The following SIK3 variants were observed in gnomAD, a reference collection of about 807,000 sequenced individuals.
The protein encoded by SIK3 is SIK family kinase 3, also known as serine/threonine-protein kinase SIK3.
Under a neutral mutation model 144.2 loss-of-function variants are expected in SIK3, and 28 were observed. The observed-to-expected ratio is 0.19, with a 90% CI of 0.14 to 0.27. The LOEUF (loss-of-function observed/expected upper bound fraction) is 0.27. Among genes scored for constraint, SIK3 ranks in the 10% least tolerant of loss-of-function variants. The probability of loss-of-function intolerance (pLI) is 1.00; values close to 1 mark genes in which losing one functional copy is unlikely to be tolerated. For missense variants in SIK3, 1,319 were observed against 1,776.0 expected, an observed-to-expected ratio of 0.74 and a Z score of 4.62; for synonymous variants, 686 against 676.3, an observed-to-expected ratio of 1.01 and a Z score of -0.22.
At chr11:117,023,617 A>ATATATATATAT (rs1194910685) in intron 1 of SIK3, among the ~76,000 whole-genome samples, 38 of 109,146 alleles carry the variant, frequency 3.5e-4, no homozygotes, top group African/African-American at 1.6e-3. Context: ...AACAAAAAAA[A>ATATATATATAT]AAAAATATAT....
intron 1 of SIK3, among the ~76,000 whole-genome samples, chr11:116,997,900 C>A (rs1270121339): frequency 6.6e-6 from 1 of 152,176 alleles, no homozygotes; most frequent in East Asian, 1.9e-4. Flanking sequence ...CACTTTGTCA[C>A]CCAGACTGCA....
At chr11:116,857,132 G>A (rs1179419238) in intron 21 of SIK3, 1 of 152,074 alleles carries the variant, frequency 6.6e-6, no homozygotes, top group East Asian at 1.9e-4. Context: ...ATGATAATGG[G>A]GGCCCTTATG....
chr11:116,883,383 C>T (rs1296333592), intron 6 of SIK3, among the ~76,000 whole-genome samples: 1 of 152,180 alleles, frequency 6.6e-6, no homozygotes, highest in South Asian at 2.1e-4. Context: ...TCTTGCAGTG[C>T]TATGATCCCT....
intron 1 of SIK3, among the ~76,000 whole-genome samples, chr11:117,071,501 C>T (rs1187214438): frequency 6.6e-6 from 1 of 151,870 alleles, no homozygotes; most frequent in Non-Finnish European, 1.5e-5. Context: ...CAACGAATCC[C>T]AATGTCTGGC....
In SIK3 at chr11:116,844,367, T is replaced by C. The variant is rs1405359082; in HGVS notation, c.*1276A>G. On this transcript the variant is annotated 3_prime_UTR_variant, in exon 25 of 25. Coordinates refer to ENST00000445177, the MANE Select transcript of SIK3 (RefSeq NM_001366686.3). ...AAATAGAACAGAATCTGGTTAAACA[T>C]TTCTCATTTAAACAAAAATTCCTTT... 2.0e-5 allele frequency: 3 copies of C among 151,812 alleles called. No homozygotes were observed. Among genetic ancestry groups the C allele is most frequent in the Non-Finnish European group, 4.4e-5 (3 of 68,004 alleles). The allele number at this position is 151,812 out of a possible 1,614,324, so 9.4% of individuals were successfully genotyped here. A position where few individuals can be genotyped will look rare whatever the true frequency, so the allele number is the denominator to read the frequency against.
chr11:117,054,497 A>C (rs1455785335), intron 1 of SIK3, among the ~76,000 whole-genome samples: 1 of 152,194 alleles, frequency 6.6e-6, no homozygotes, highest in Non-Finnish European at 1.5e-5. Context: ...GAGCAGATCT[A>C]CCTACTATAA....
At position 116,896,391 on chromosome 11, in the gene SIK3, G is replaced by A. The variant is rs1945400955; in HGVS notation, c.742-15C>T. The A allele has an allele frequency of 6.2e-7, 1 of 1,612,208 alleles. No individual in the cohort carries two copies. Among genetic ancestry groups the A allele is most frequent in the Non-Finnish European group, 8.5e-7 (1 of 1,178,608 alleles). On this transcript the variant is annotated splice_polypyrimidine_tract_variant and intron_variant, in intron 5 of 24. Coordinates refer to ENST00000445177, the MANE Select transcript of SIK3 (RefSeq NM_001366686.3). Reference sequence around the variant, plus strand: ...ACTCCAAGGCTCTGCATCCCAAACAGAGAGGATGTACAATTAATCACATCA... The same window carrying A: ...ACTCCAAGGCTCTGCATCCCAAACAAAGAGGATGTACAATTAATCACATCA...
chr11:116,895,609 C>T (rs1945357247), intron 6 of SIK3, among the ~76,000 whole-genome samples: 1 of 152,104 alleles, frequency 6.6e-6, no homozygotes, highest in Non-Finnish European at 1.5e-5. Context: ...TAAAATGTTC[C>T]CTTCTTATGT....
At position 116,873,582 on chromosome 11, in the gene SIK3, G is replaced by C; in HGVS notation, c.1636C>G (p.Leu546Val). The change falls in exon 13 of 25, where the codon CTT (leucine) becomes GTT (valine). Residue 546 changes from leucine (L) to valine (V), a missense_variant. Coordinates refer to ENST00000445177, the MANE Select transcript of SIK3 (RefSeq NM_001366686.3). The part of the protein sequence containing the change: ...TLQLLNGMGP[L>V]GRRASDGGAN... ...CCTCCATCTGATGCCCTCCGGCCAA[G>C]GGGGCCCATTCCATTCAACAGCTGT... is the stretch of plus-strand genomic sequence containing the variant. 6.2e-7 allele frequency: 1 copy of C among 1,606,422 alleles called. No homozygotes were observed.
intron 4 of SIK3, among the ~76,000 whole-genome samples, chr11:116,916,208 G>A (rs772336231): frequency 2.4e-4 from 36 of 152,046 alleles, no homozygotes; most frequent in African/African-American, 7.2e-4. Context: ...TATAACCTCC[G>A]CAAAGACGAG....
At chr11:116,924,209 G>T (rs539696316) in intron 4 of SIK3, among the ~76,000 whole-genome samples, 99 of 151,640 alleles carry the variant, frequency 6.5e-4, no homozygotes, top group South Asian at 2.1e-3. Context: ...TAGGAGAATC[G>T]CTTGAACCTG....
intron 4 of SIK3, among the ~76,000 whole-genome samples, chr11:116,914,299 C>T (rs1025518402): frequency 1.3e-5 from 2 of 151,148 alleles, no homozygotes; most frequent in African/African-American, 4.9e-5. Flanking sequence ...GCCTCCACCT[C>T]CTGGGTTCAA....
At position 116,898,252 on chromosome 11, in the gene SIK3, A is replaced by G. The variant is rs1463924022; in HGVS notation, c.617-935T>C. Among the ~76,000 whole-genome samples, 8 of 151,584 alleles carry G rather than the reference A, an allele frequency of 5.3e-5. No individual in the cohort carries two copies. The East Asian group carries it at 1.6e-3, about 29-fold the overall frequency. ...TGGTTTTTTGTTCTTGCGATAGTTT[A>G]CTGAGAATGATGATTTCCAATTTCA... On this transcript the variant is annotated intron_variant, in intron 4 of 24. Transcript: ENST00000445177.
chr11:116,920,487 T>G (rs1019669542), intron 4 of SIK3, among the ~76,000 whole-genome samples: 1 of 152,186 alleles, frequency 6.6e-6, no homozygotes, highest in African/African-American at 2.4e-5. Flanking sequence ...GAGTTTATCT[T>G]TGTCACAGCC....
At chr11:116,920,205 A>C (rs1591325283) in intron 4 of SIK3, among the ~76,000 whole-genome samples, 1 of 133,504 alleles carries the variant, frequency 7.5e-6, no homozygotes. Flanking sequence ...ACTGCTGCCC[A>C]CGCTGCTCCA....
intron 1 of SIK3, among the ~76,000 whole-genome samples, chr11:117,072,354 C>A (rs924917111): frequency 1.3e-5 from 2 of 152,000 alleles, no homozygotes; most frequent in African/African-American, 4.8e-5. Context: ...TGCCACGGCA[C>A]TCCAGCCTGC....
chr11:116,853,736 T>C (rs1942651134), intron 21 of SIK3, among the ~76,000 whole-genome samples: 1 of 152,264 alleles, frequency 6.6e-6, no homozygotes, highest in African/African-American at 2.4e-5. Context: ...GAAGAGGATG[T>C]GGTTTTCTTT....
At chr11:116,869,157 C>T (rs1316772178) in intron 14 of SIK3, 1 of 152,196 alleles carries the variant, frequency 6.6e-6, no homozygotes, top group Non-Finnish European at 1.5e-5. Flanking sequence ...CTCTTATCAG[C>T]AAACTATAGA....
At chr11:116,940,378 T>G (rs1020671821) in intron 3 of SIK3, among the ~76,000 whole-genome samples, 1 of 151,872 alleles carries the variant, frequency 6.6e-6, no homozygotes, top group African/African-American at 2.4e-5. Context: ...TATAGGCGTG[T>G]GTCACCACGC....
Sources: allele counts gnomAD v4.1 joint callset (sites outside exome capture counted in the v4.1 genomes callset), GRCh38; gene constraint gnomAD v4.1.1; transcripts MANE v1.5; gene names NCBI Gene and HGNC (gene_info 2026-07-23, HGNC 2026-07-21).